PHEX: variants seen among roughly 807,000 people sequenced by gnomAD.
PHEX encodes the protein phosphate-regulating neutral endopeptidase PHEX.
A neutral mutation model predicts 68.0 loss-of-function variants in PHEX; 16 were observed. That is an observed-to-expected ratio of 0.24 (90% CI 0.16 to 0.36). PHEX has a LOEUF of 0.36. Ranked by LOEUF, PHEX falls within the 10% of genes least tolerant of loss-of-function variation. The pLI is 1.00. For synonymous variants in PHEX, 208 were observed against 205.1 expected (o/e 1.01, Z -0.12); for missense variants, 480 against 575.5 (o/e 0.83, Z 1.70).
chrX:22,042,654 G>A (rs895001400), intron 2 of PHEX, among the ~76,000 whole-genome samples: 1 of 110,925 alleles, frequency 9.0e-6, no homozygotes, highest in Admixed American at 9.6e-5. Context: ...GCGTGGTGGC[G>A]CAAGTCTGTA....
At chrX:22,103,376 G>A (rs746812190) in intron 9 of PHEX, among the ~76,000 whole-genome samples, 1 of 110,695 alleles carries the variant, frequency 9.0e-6, no homozygotes, top group African/African-American at 3.3e-5. Flanking sequence ...TTCTTTAGTG[G>A]TGATTTCTGA....
chrX:22,240,840 A>G (rs1936163960), intron 20 of PHEX, among the ~76,000 whole-genome samples: 1 of 111,564 alleles, frequency 9.0e-6, no homozygotes, highest in South Asian at 3.8e-4. Context: ...TGTCAACACT[A>G]CTGCCAACAC....
At chrX:22,075,285 CTTTTTTTTTTT>C (rs1164944990) in intron 3 of PHEX, among the ~76,000 whole-genome samples, 2 of 62,353 alleles carry the variant, frequency 3.2e-5, no homozygotes, top group South Asian at 9.4e-4. Flanking sequence ...CTCTGGGTTG[CTTTTTTTTTTT>C]TTTTTTTTTT....
At chrX:22,092,874 C>G (rs1049573833) in intron 6 of PHEX, among the ~76,000 whole-genome samples, 1 of 107,318 alleles carries the variant, frequency 9.3e-6, no homozygotes, top group Non-Finnish European at 1.9e-5. Context: ...CTCAGCCTCC[C>G]GAATAGCTGA....
At chrX:22,146,413 T>C (rs1423047717) in intron 12 of PHEX, among the ~76,000 whole-genome samples, 6 of 112,399 alleles carry the variant, frequency 5.3e-5, no homozygotes, top group African/African-American at 1.9e-4. Context: ...GCATTTTCAG[T>C]GTTGATCATC....
intron 5 of PHEX, among the ~76,000 whole-genome samples, chrX:22,078,663 G>A (rs1929262677): frequency 8.9e-6 from 1 of 111,813 alleles, no homozygotes; most frequent in Non-Finnish European, 1.9e-5. Context: ...TTTGGGTAAA[G>A]GGCCAGATAA....
At chrX:22,082,425 T>C (rs1023595095) in intron 5 of PHEX, among the ~76,000 whole-genome samples, 7 of 112,596 alleles carry the variant, frequency 6.2e-5, no homozygotes, top group Non-Finnish European at 3.7e-5. Context: ...TGGTATCTCA[T>C]TGTGGCTTTG....
At chrX:22,055,174 C>CAAAAAAAAAAAAAAAAAAAAAAAAAAAAA (rs111628195) in intron 3 of PHEX, among the ~76,000 whole-genome samples, 10 of 66,106 alleles carry the variant, frequency 1.5e-4, no homozygotes, top group Middle Eastern at 8.0e-3. Context: ...GACTCCAGCT[C>CAAAAAAAAAAAAAAAAAAAAAAAAAAAAA]AAAAAAAAAA....
chrX:22,179,476 C>G (rs1189959287), intron 14 of PHEX, among the ~76,000 whole-genome samples: 1 of 108,348 alleles, frequency 9.2e-6, no homozygotes, highest in Non-Finnish European at 1.9e-5. Context: ...ATTCCTCACC[C>G]CCCTCCCACT....
chrX:22,218,845 A>G (rs1935174361), intron 16 of PHEX, among the ~76,000 whole-genome samples, 191 bp from the exon 17 acceptor site: 1 of 112,213 alleles, frequency 8.9e-6, no homozygotes, highest in African/African-American at 3.2e-5. Flanking sequence ...GTTAGAATTT[A>G]TATTTTCTTT....
chrX:22,134,667 G>C (rs564311257), intron 12 of PHEX, among the ~76,000 whole-genome samples: 12 of 112,709 alleles, frequency 1.1e-4, no homozygotes, highest in African/African-American at 3.2e-4. Context: ...CAAGTGGGTG[G>C]AGCATACCTG....
intron 11 of PHEX, among the ~76,000 whole-genome samples, chrX:22,124,603 A>G (rs1931637538): frequency 8.9e-6 from 1 of 112,427 alleles, no homozygotes; most frequent in African/African-American, 3.2e-5. Flanking sequence ...AGGCTAGACT[A>G]TTTGAGACTG....
chrX:22,066,119 C>T (rs183834372), intron 3 of PHEX, among the ~76,000 whole-genome samples: 11 of 111,442 alleles, frequency 9.9e-5, no homozygotes, highest in African/African-American at 2.3e-4. Flanking sequence ...CTTTGTAGGC[C>T]GTGTAAAGAT....
intron 2 of PHEX, among the ~76,000 whole-genome samples, chrX:22,046,304 T>C (rs1927525479): frequency 1.8e-5 from 2 of 112,078 alleles, no homozygotes; most frequent in Admixed American, 9.5e-5. Context: ...AGAAAGTTAC[T>C]TCTGCCAATT....
In PHEX at chrX:22,159,272, G is replaced by A. The variant is rs749546268; in HGVS notation, c.1405-9040G>A. Among the ~76,000 whole-genome samples, 167 of 113,222 alleles carry A rather than the reference G, an allele frequency of 1.5e-3. 1 individual carries two copies. The highest frequency in any genetic ancestry group is 2.2e-3 in the Non-Finnish European group (117 of 53,417). On this transcript the variant is annotated intron_variant, in intron 12 of 21. Coordinates refer to ENST00000379374, the MANE Select transcript of PHEX (RefSeq NM_000444.6). ...TATCTGTGTTGGCTTAGTAAGTTAT[G>A]GCCCTTGGGCCATATTTGGCATTCT...
In PHEX at chrX:22,096,867, A is replaced by G. The variant is rs1602290262; in HGVS notation, c.850-88A>G. The G allele has an allele frequency of 2.6e-5, 18 of 703,080 alleles. No individual in the cohort carries two copies. In the East Asian group the frequency reaches 5.5e-4, roughly 22 times the overall value. The allele number at this position is 703,080 out of a possible 1,213,427, so 57.9% of individuals were successfully genotyped here. A position where few individuals can be genotyped will look rare whatever the true frequency, so the allele number is the denominator to read the frequency against. ...AAGCCTTGAAAAACTTTATAATACTATGCAGATGTTTTGGCACATGTAGGA... is the reference window on the plus strand; with the variant it reads ...AAGCCTTGAAAAACTTTATAATACTGTGCAGATGTTTTGGCACATGTAGGA... On this transcript the variant is annotated intron_variant, in intron 7 of 21. Transcript: ENST00000379374.
In PHEX at chrX:22,245,419, C is replaced by G; in HGVS notation, c.2147+10C>G. ...GTCCCCCTCAGTTTAGGTAAATGGG[C>G]AAATGGGTGACGGCAGTTTTTAACT... On this transcript the variant is annotated intron_variant, in intron 21 of 21. Transcript: ENST00000379374. 1.7e-6 allele frequency: 2 copies of G among 1,151,424 alleles called. No homozygotes were observed. The highest frequency in any genetic ancestry group is 2.4e-6 in the Non-Finnish European group (2 of 840,815). 94.9% of individuals were successfully genotyped at this position (1,151,424 alleles called of 1,213,427 possible).
chrX:22,219,852 C>T (rs1244761680), intron 17 of PHEX, among the ~76,000 whole-genome samples: 3 of 111,480 alleles, frequency 2.7e-5, no homozygotes, highest in African/African-American at 6.5e-5. Flanking sequence ...CTCCTGACCT[C>T]GTGATCTGCC....
At chrX:22,071,244 A>C (rs897707007) in intron 3 of PHEX, among the ~76,000 whole-genome samples, 3 of 111,500 alleles carry the variant, frequency 2.7e-5, no homozygotes, top group African/African-American at 9.8e-5. Context: ...AATTGATGAA[A>C]ATAAAACTTA....
Sources: allele counts gnomAD v4.1 joint callset (sites outside exome capture counted in the v4.1 genomes callset), GRCh38; gene constraint gnomAD v4.1.1; transcripts MANE v1.5; gene names NCBI Gene and HGNC (gene_info 2026-07-23, HGNC 2026-07-21).